The following MS4A6E variants were observed in gnomAD, a reference collection of about 807,000 sequenced individuals.
The protein encoded by MS4A6E is membrane spanning 4-domains A6E.
In MS4A6E, 8 loss-of-function variants were observed where a neutral mutation model predicts 13.2. That is an observed-to-expected ratio of 0.60 (90% CI 0.35 to 1.09). The LOEUF (loss-of-function observed/expected upper bound fraction) is 1.09. Among genes scored for constraint, MS4A6E ranks in the 50% least tolerant of loss-of-function variants. The pLI is 0.02. For missense variants in MS4A6E, 177 were observed against 171.1 expected (o/e 1.03, Z -0.19); for synonymous variants, 72 against 67.6 (o/e 1.06, Z -0.32).
At chr11:60,347,674 T>G (rs1387918586) in intron 4 of MS4A6E, among the ~76,000 whole-genome samples, 1 of 152,038 alleles carries the variant, frequency 6.6e-6, no homozygotes, top group East Asian at 1.9e-4. Context: ...CCTACTGTTT[T>G]CTCTCCTTGC....
At chr11:60,328,053 A>AAT (rs2085131064) in intron 1 of MS4A6E, among the ~76,000 whole-genome samples, 3 of 135,886 alleles carry the variant, frequency 2.2e-5, no homozygotes, top group African/African-American at 7.9e-5. Flanking sequence ...AAAAAAAAAA[A>AAT]GTGGATCAAA....
chr11:60,336,915 G>T (rs915076253), intron 2 of MS4A6E, among the ~76,000 whole-genome samples: 2 of 152,154 alleles, frequency 1.3e-5, no homozygotes, highest in African/African-American at 2.4e-5. Flanking sequence ...CATAAATGTA[G>T]AAATGAGAAC....
chr11:60,342,987 G>C (rs979545329), downstream of MS4A6E, among the ~76,000 whole-genome samples: 3 of 152,252 alleles, frequency 2.0e-5, no homozygotes, highest in South Asian at 6.2e-4. Flanking sequence ...GTGTTGGACA[G>C]TGACTCTTTC....
intron 3 of MS4A6E, among the ~76,000 whole-genome samples, chr11:60,339,304 T>TA (rs1248269601): frequency 1.3e-5 from 2 of 151,780 alleles, no homozygotes; most frequent in Non-Finnish European, 1.5e-5. Context: ...ACAACAAAAA[T>TA]AAAAAACATC....
chr11:60,337,724 C>T lies in MS4A6E; in HGVS notation c.148-17C>T, dbSNP rs948453732. 2 of 1,613,918 alleles carry T rather than the reference C, an allele frequency of 1.2e-6. No individual in the cohort carries two copies. Among genetic ancestry groups the T allele is most frequent in the East Asian group, 2.2e-5 (1 of 44,882 alleles). ...TGGCCCTTTGGGAATGATTCTTACC[C>T]AGCATGTCTCTTTCAGGTGCATAGC... On this transcript the variant is annotated splice_polypyrimidine_tract_variant and intron_variant, in intron 2 of 4. Transcript: ENST00000684409.
At chr11:60,347,749 A>T (rs761877365) in intron 4 of MS4A6E, among the ~76,000 whole-genome samples, 4 of 152,066 alleles carry the variant, frequency 2.6e-5, no homozygotes, top group Non-Finnish European at 5.9e-5. Context: ...CCCCCACCCC[A>T]GCCATGAAAC....
chr11:60,333,309 G>A (rs904386747), intron 1 of MS4A6E, among the ~76,000 whole-genome samples: 4 of 152,208 alleles, frequency 2.6e-5, no homozygotes, highest in Non-Finnish European at 5.9e-5. Context: ...TATATGCAAA[G>A]GGAGAGATAA....
chr11:60,337,013 A>T (rs1366121221), intron 2 of MS4A6E, among the ~76,000 whole-genome samples: 1 of 152,168 alleles, frequency 6.6e-6, no homozygotes, highest in African/African-American at 2.4e-5. Flanking sequence ...TCTGACATCC[A>T]GTCCAGGCCT....
chr11:60,339,539 C>T (rs1015097400), intron 3 of MS4A6E, among the ~76,000 whole-genome samples: 1 of 152,186 alleles, frequency 6.6e-6, no homozygotes, highest in African/African-American at 2.4e-5. Flanking sequence ...ATTCTCAGTC[C>T]TGGGAGCTAT....
At chr11:60,327,894 G>A (rs916778040) in intron 1 of MS4A6E, among the ~76,000 whole-genome samples, 3 of 151,950 alleles carry the variant, frequency 2.0e-5, no homozygotes, top group Non-Finnish European at 4.4e-5. Flanking sequence ...GCCTGTCATG[G>A]TGGTGCACAC....
intron 3 of MS4A6E, 70 bp downstream of exon 3, chr11:60,338,017 A>C: frequency 6.8e-7 from 1 of 1,474,618 alleles, no homozygotes; most frequent in South Asian, 1.2e-5. Context: ...TTATTATTCC[A>C]TCCTTTGAAA....
At chr11:60,335,974 G>A (rs1467970192) in intron 2 of MS4A6E, among the ~76,000 whole-genome samples, 1 of 152,158 alleles carries the variant, frequency 6.6e-6, no homozygotes, top group African/African-American at 2.4e-5. Context: ...AGGGTGGGAG[G>A]AGGGAGAGGA....
intron 1 of MS4A6E, among the ~76,000 whole-genome samples, chr11:60,329,205 C>T (rs961399975): frequency 6.6e-6 from 1 of 150,396 alleles, no homozygotes; most frequent in Non-Finnish European, 1.5e-5. Flanking sequence ...CATATATTCT[C>T]GTTGTTCAAT....
At chr11:60,328,596 T>C (rs957816154) in intron 1 of MS4A6E, among the ~76,000 whole-genome samples, 3 of 151,974 alleles carry the variant, frequency 2.0e-5, no homozygotes, top group Non-Finnish European at 4.4e-5. Context: ...ATCTTGCCAT[T>C]TGCCACAACA....
In MS4A6E at chr11:60,331,514, G is replaced by A. The variant is rs151327404; in HGVS notation, c.-14-3368G>A. Among the ~76,000 whole-genome samples the A allele has an allele frequency of 1.3e-3, 201 of 152,054 alleles. 2 individuals are homozygous for A. Among genetic ancestry groups the A allele is most frequent in the African/African-American group, 4.7e-3 (194 of 41,472 alleles). On this transcript the variant is annotated intron_variant, in intron 1 of 4. Coordinates refer to ENST00000684409, the MANE Select transcript of MS4A6E (RefSeq NM_139249.4). The stretch of plus-strand genomic sequence containing the variant: ...TTTGTTTTTTTAGTCTGGAGCATTT[G>A]TTTCATATAATGCCCCATATCTTGG...
At chr11:60,347,273 G>A (rs1017300077) in intron 4 of MS4A6E, among the ~76,000 whole-genome samples, 2 of 152,154 alleles carry the variant, frequency 1.3e-5, no homozygotes, top group Non-Finnish European at 2.9e-5. Context: ...AAAGAGCTAG[G>A]TTGATTGTGC....
Position 60,339,970 on chromosome 11 carries a change from T to A in MS4A6E, c.*9+6T>A, listed in dbSNP as rs781094672. Reference sequence around the variant, plus strand: ...AGACTGTCTGACTTCCCTGGGTGAGTGTGCTGGCCAGCCTCGCTTAATCTT... The same window carrying A: ...AGACTGTCTGACTTCCCTGGGTGAGAGTGCTGGCCAGCCTCGCTTAATCTT... On this transcript the variant is annotated splice_donor_region_variant and intron_variant, in intron 4 of 4. Transcript: ENST00000684409. The A allele has an allele frequency of 1.2e-6, 2 of 1,612,894 alleles. No homozygotes were observed. The highest frequency in any genetic ancestry group is 2.2e-5 in the South Asian group (2 of 91,060).
chr11:60,345,688 G>A (rs1364487218), downstream of MS4A6E, among the ~76,000 whole-genome samples: 1 of 152,212 alleles, frequency 6.6e-6, no homozygotes, highest in Non-Finnish European at 1.5e-5. Flanking sequence ...AGTCTGTTAA[G>A]GAGCTGGCTG....
chr11:60,337,259 G>A (rs527740234), intron 2 of MS4A6E, among the ~76,000 whole-genome samples: 38 of 152,228 alleles, frequency 2.5e-4, no homozygotes, highest in Admixed American at 5.9e-4. Flanking sequence ...AGGTAATTGC[G>A]GTTTTGCCAT....
Sources: allele counts gnomAD v4.1 joint callset (sites outside exome capture counted in the v4.1 genomes callset), GRCh38; gene constraint gnomAD v4.1.1; transcripts MANE v1.5; gene names NCBI Gene and HGNC (gene_info 2026-07-23, HGNC 2026-07-21).